SLC35F1: variants seen among roughly 807,000 people sequenced by gnomAD.
The protein encoded by SLC35F1 is solute carrier family 35 member F1.
A neutral mutation model predicts 48.7 loss-of-function variants in SLC35F1; 14 were observed. That is an observed-to-expected ratio of 0.29 (90% CI 0.19 to 0.45). SLC35F1 has a LOEUF of 0.45. Ranked by LOEUF, SLC35F1 falls within the 20% of genes least tolerant of loss-of-function variation. The probability of loss-of-function intolerance (pLI) is 1.00; values close to 1 mark genes in which losing one functional copy is unlikely to be tolerated. For missense variants in SLC35F1, 404 were observed against 500.0 expected (o/e 0.81, Z 1.83); for synonymous variants, 190 against 202.2 (o/e 0.94, Z 0.51).
At chr6:118,273,251 A>T (rs1348508041) in intron 4 of SLC35F1, among the ~76,000 whole-genome samples, 1 of 152,158 alleles carries the variant, frequency 6.6e-6, no homozygotes, top group African/African-American at 2.4e-5. Context: ...GGCGTTTGAA[A>T]AATATTGGTG....
At chr6:118,236,682 C>T (rs904974056) in intron 3 of SLC35F1, among the ~76,000 whole-genome samples, 11 of 152,170 alleles carry the variant, frequency 7.2e-5, no homozygotes, top group African/African-American at 2.4e-4. Flanking sequence ...TCCATATGCA[C>T]GTTGTGTTCC....
At chr6:118,210,419 T>C (rs1774987702) in intron 2 of SLC35F1, among the ~76,000 whole-genome samples, 1 of 152,224 alleles carries the variant, frequency 6.6e-6, no homozygotes, top group Non-Finnish European at 1.5e-5. Flanking sequence ...AAAAATCTAA[T>C]TCTAATTTGC....
chr6:117,982,721 T>C (rs527718191), intron 1 of SLC35F1, among the ~76,000 whole-genome samples: 5 of 152,230 alleles, frequency 3.3e-5, no homozygotes, highest in African/African-American at 9.6e-5. Flanking sequence ...CAGAAGAGAG[T>C]GCAGTTAAGG....
chr6:118,174,838 T>A (rs73766449), intron 2 of SLC35F1, among the ~76,000 whole-genome samples: 1,701 of 152,204 alleles, frequency 0.011, 39 homozygotes, highest in African/African-American at 0.039. Flanking sequence ...TATACTTCTC[T>A]TCAGAAACAA....
intron 2 of SLC35F1, among the ~76,000 whole-genome samples, chr6:118,199,474 C>T (rs543670961): frequency 3.0e-4 from 46 of 152,272 alleles, no homozygotes; most frequent in African/African-American, 1.1e-3. Context: ...ATTAAACAAT[C>T]TCCATATCAA....
At chr6:118,061,461 C>T (rs1239628030) in intron 1 of SLC35F1, among the ~76,000 whole-genome samples, 1 of 151,926 alleles carries the variant, frequency 6.6e-6, no homozygotes, top group African/African-American at 2.4e-5. Flanking sequence ...TACTTGATAG[C>T]ATCAAACAAA....
At chr6:118,291,585 C>A (rs965037806) in intron 7 of SLC35F1, among the ~76,000 whole-genome samples, 4 of 152,128 alleles carry the variant, frequency 2.6e-5, no homozygotes, top group African/African-American at 9.7e-5. Context: ...TTTGGTTAAA[C>A]CTGTATAAAC....
chr6:118,147,282 C>G (rs1175352625), intron 1 of SLC35F1, among the ~76,000 whole-genome samples: 2 of 152,130 alleles, frequency 1.3e-5, no homozygotes, highest in East Asian at 3.9e-4. Flanking sequence ...GAAACAGGTT[C>G]CTGCAGGATC....
At chr6:118,199,688 A>G (rs1016435902) in intron 2 of SLC35F1, among the ~76,000 whole-genome samples, 3 of 152,164 alleles carry the variant, frequency 2.0e-5, no homozygotes, top group Non-Finnish European at 4.4e-5. Flanking sequence ...AAACTAGTCA[A>G]TGTCTACAGG....
At chr6:118,089,685 T>C (rs1562286496) in intron 1 of SLC35F1, among the ~76,000 whole-genome samples, 2 of 152,194 alleles carry the variant, frequency 1.3e-5, no homozygotes, top group South Asian at 2.1e-4. Flanking sequence ...AGACAGACCC[T>C]TGGAAGAGTT....
intron 1 of SLC35F1, among the ~76,000 whole-genome samples, chr6:118,028,812 T>C (rs913006723): frequency 6.6e-6 from 1 of 152,044 alleles, no homozygotes; most frequent in African/African-American, 2.4e-5. Flanking sequence ...ATGATAAAGA[T>C]AGTGGTTTTT....
intron 7 of SLC35F1, among the ~76,000 whole-genome samples, chr6:118,289,620 G>T (rs1776093297): frequency 6.6e-6 from 1 of 151,998 alleles, no homozygotes; most frequent in East Asian, 1.9e-4. Context: ...TTTGTCATAT[G>T]ATTTATTTAA....
chr6:118,253,326 C>T (rs1401736087), intron 3 of SLC35F1, among the ~76,000 whole-genome samples: 4 of 152,066 alleles, frequency 2.6e-5, no homozygotes, highest in Non-Finnish European at 2.9e-5. Context: ...TCAGATTCTT[C>T]GCTTAGTAAG....
chr6:118,006,070 TATGAG>T (rs1254839832), intron 1 of SLC35F1, among the ~76,000 whole-genome samples: 1 of 152,226 alleles, frequency 6.6e-6, no homozygotes, highest in African/African-American at 2.4e-5. Flanking sequence ...GGGAAAAATC[TATGAG>T]ATAATATGTC....
At chr6:118,202,651 T>C (rs1049798666) in intron 2 of SLC35F1, among the ~76,000 whole-genome samples, 1 of 152,260 alleles carries the variant, frequency 6.6e-6, no homozygotes, top group Non-Finnish European at 1.5e-5. Flanking sequence ...ACCAAAGTTA[T>C]GATGTGACAA....
At chr6:118,125,247 A>G (rs1273227069) in intron 1 of SLC35F1, among the ~76,000 whole-genome samples, 1 of 152,168 alleles carries the variant, frequency 6.6e-6, no homozygotes, top group Non-Finnish European at 1.5e-5. Context: ...ACTAGCTAAA[A>G]TCTATTGTTA....
intron 1 of SLC35F1, among the ~76,000 whole-genome samples, chr6:118,010,873 A>ACT (rs910162652): frequency 2.0e-5 from 3 of 152,008 alleles, no homozygotes; most frequent in Admixed American, 6.6e-5. Context: ...TCCTTTTCTA[A>ACT]CTCTCTCTCT....
chr6:118,195,912 T>C (rs961656104), intron 2 of SLC35F1, among the ~76,000 whole-genome samples: 1 of 152,158 alleles, frequency 6.6e-6, no homozygotes, highest in East Asian at 1.9e-4. Context: ...CTGGGGTCGT[T>C]AAAGCTCTAC....
intron 3 of SLC35F1, among the ~76,000 whole-genome samples, chr6:118,239,363 G>A (rs766787147): frequency 6.6e-6 from 1 of 151,544 alleles, no homozygotes; most frequent in Non-Finnish European, 1.5e-5. Context: ...GTTCATAGAG[G>A]TAGGATGGGG....
Sources: allele counts gnomAD v4.1 joint callset (sites outside exome capture counted in the v4.1 genomes callset), GRCh38; gene constraint gnomAD v4.1.1; transcripts MANE v1.5; gene names NCBI Gene and HGNC (gene_info 2026-07-23, HGNC 2026-07-21).